SSBP2: variants seen among roughly 807,000 people sequenced by gnomAD.
The protein encoded by SSBP2 is single stranded DNA binding protein 2.
SSBP2 carries 17 observed loss-of-function variants against 61.8 expected under a neutral mutation model. That is an observed-to-expected ratio of 0.28 (90% confidence interval 0.19 to 0.41). The LOEUF (loss-of-function observed/expected upper bound fraction) is 0.41, where lower values mean the gene tolerates loss of function less well. Among genes scored for constraint, SSBP2 ranks in the 10% least tolerant of loss-of-function variants. The probability of loss-of-function intolerance (pLI) is 1.00; values close to 1 mark genes in which losing one functional copy is unlikely to be tolerated. For synonymous variants in SSBP2, 139 were observed against 141.3 expected (o/e 0.98, Z 0.12); for missense variants, 310 against 458.7 (o/e 0.68, Z 2.96).
intron 1 of SSBP2, among the ~76,000 whole-genome samples, chr5:81,743,355 T>A (rs141195394): frequency 0.013 from 1,936 of 152,322 alleles, 19 homozygotes; most frequent in South Asian, 0.023. Flanking sequence ...TCCGTTGAAA[T>A]GTCCTCTCCT....
chr5:81,579,427 G>C (rs1774477762), intron 4 of SSBP2, among the ~76,000 whole-genome samples: 1 of 151,954 alleles, frequency 6.6e-6, no homozygotes, highest in African/African-American at 2.4e-5. Context: ...GAGGGCAAAA[G>C]AGAAAAATTA....
chr5:81,598,209 T>C (rs936387856), intron 4 of SSBP2, among the ~76,000 whole-genome samples: 14 of 151,782 alleles, frequency 9.2e-5, no homozygotes, highest in African/African-American at 3.1e-4. Flanking sequence ...AAGAAAATCT[T>C]GGTAGTCAGA....
At chr5:81,476,873 C>G (rs1251047421) in intron 6 of SSBP2, among the ~76,000 whole-genome samples, 1 of 152,086 alleles carries the variant, frequency 6.6e-6, no homozygotes, top group Admixed American at 6.6e-5. Context: ...TATTTATTCA[C>G]CTATTTACTC....
chr5:81,606,741 A>C (rs1185442134), intron 4 of SSBP2, among the ~76,000 whole-genome samples: 1 of 152,204 alleles, frequency 6.6e-6, no homozygotes, highest in Non-Finnish European at 1.5e-5. Flanking sequence ...TGAAGTTAGA[A>C]TCCTACACAA....
chr5:81,679,309 T>C (rs545497232), intron 1 of SSBP2, among the ~76,000 whole-genome samples: 1 of 152,286 alleles, frequency 6.6e-6, no homozygotes, highest in African/African-American at 2.4e-5. Context: ...GTGCCCAGAC[T>C]ACTTTTCTTA....
intron 4 of SSBP2, among the ~76,000 whole-genome samples, chr5:81,610,129 A>G (rs1441779089): frequency 6.6e-6 from 1 of 152,136 alleles, no homozygotes; most frequent in African/African-American, 2.4e-5. Context: ...CCAGCCACAG[A>G]CTGAGCTGGT....
At chr5:81,726,264 C>G (rs764446894) in intron 1 of SSBP2, among the ~76,000 whole-genome samples, 1 of 152,084 alleles carries the variant, frequency 6.6e-6, no homozygotes, top group Non-Finnish European at 1.5e-5. Flanking sequence ...CAGAGCCCTC[C>G]GGGACCACAT....
intron 4 of SSBP2, among the ~76,000 whole-genome samples, chr5:81,593,282 GT>G (rs1187869654): frequency 6.6e-6 from 1 of 152,148 alleles, no homozygotes; most frequent in East Asian, 1.9e-4. Context: ...AGGAAGAGAA[GT>G]TTAGAGAAAA....
intron 1 of SSBP2, among the ~76,000 whole-genome samples, chr5:81,728,320 A>T (rs895834065): frequency 6.6e-6 from 1 of 152,224 alleles, no homozygotes; most frequent in South Asian, 2.1e-4. Flanking sequence ...AATGATTTTC[A>T]AAGTTTTACT....
At chr5:81,541,973 T>C (rs1055384466) in intron 4 of SSBP2, among the ~76,000 whole-genome samples, 4 of 151,868 alleles carry the variant, frequency 2.6e-5, no homozygotes, top group South Asian at 2.1e-4. Context: ...ATCAACAGAG[T>C]AAACAACCAA....
At chr5:81,738,812 G>T (rs1388496418) in intron 1 of SSBP2, among the ~76,000 whole-genome samples, 2 of 152,038 alleles carry the variant, frequency 1.3e-5, no homozygotes, top group African/African-American at 4.8e-5. Flanking sequence ...TGCTCCATAT[G>T]ATTTCCAAAA....
At chr5:81,555,537 C>T (rs1191743546) in intron 4 of SSBP2, among the ~76,000 whole-genome samples, 1 of 152,066 alleles carries the variant, frequency 6.6e-6, no homozygotes, top group Non-Finnish European at 1.5e-5. Context: ...GATGCCTCAT[C>T]TTTGCCTGAC....
chr5:81,746,499 TC>T (rs1388643793), intron 1 of SSBP2, among the ~76,000 whole-genome samples: 1 of 152,148 alleles, frequency 6.6e-6, no homozygotes, highest in Admixed American at 6.5e-5. Context: ...TTGTCATTTT[TC>T]TTTGCAGGGG....
rs1183654532 is a variant in SSBP2, at chr5:81,504,941, T to C, written c.372+8687A>G. Among the ~76,000 whole-genome samples the C allele has an allele frequency of 2.6e-5, 4 of 152,332 alleles. No individual in the cohort carries two copies. In the South Asian group the frequency reaches 6.2e-4, roughly 24 times the overall value. On this transcript the variant is annotated intron_variant, in intron 5 of 16. Coordinates refer to ENST00000320672, the MANE Select transcript of SSBP2 (RefSeq NM_012446.5). ...CAAAACCATAACTAAAACTAAAGGA[T>C]TTGTAGCCCCATACTCCCTACCCCC... is the stretch of plus-strand genomic sequence containing the variant.
chr5:81,479,817 G>A, intron 6 of SSBP2, among the ~76,000 whole-genome samples: 1 of 152,106 alleles, frequency 6.6e-6, no homozygotes, highest in East Asian at 1.9e-4. Context: ...GGTTTAATAT[G>A]TAACTAATTT....
At chr5:81,714,105 C>T (rs1202406957) in intron 1 of SSBP2, among the ~76,000 whole-genome samples, 1 of 152,070 alleles carries the variant, frequency 6.6e-6, no homozygotes, top group Non-Finnish European at 1.5e-5. Flanking sequence ...TCCCTCCCTG[C>T]GCCCATATGT....
intron 1 of SSBP2, among the ~76,000 whole-genome samples, chr5:81,736,836 G>A (rs1756655026): frequency 6.6e-6 from 1 of 152,146 alleles, no homozygotes; most frequent in African/African-American, 2.4e-5. Context: ...CTAACCAAGG[G>A]AGAGTTAAAA....
chr5:81,641,443 G>T (rs549704967), intron 2 of SSBP2, among the ~76,000 whole-genome samples: 1 of 152,166 alleles, frequency 6.6e-6, no homozygotes, highest in East Asian at 1.9e-4. Flanking sequence ...ACAAGTCTGT[G>T]CCAGAAGCAG....
chr5:81,494,008 A>C lies in SSBP2; in HGVS notation c.373-4699T>G, dbSNP rs549595397. On this transcript the variant is annotated intron_variant, in intron 5 of 16. Transcript: ENST00000320672. ...CGCTGATTAGGATTTTTCAAGGTTC[A>C]CAGTCTTGTAATTAATAGGAGAAAC... Among the ~76,000 whole-genome samples the C allele has an allele frequency of 2.0e-5, 3 of 152,334 alleles. No homozygotes were observed. In the South Asian group the frequency reaches 6.2e-4, roughly 32 times the overall value.
Sources: gnomAD v4.1 joint callset for allele counts (sites outside exome capture counted in the v4.1 genomes callset) on GRCh38, gnomAD v4.1.1 for gene constraint, MANE v1.5 for transcripts, NCBI Gene and HGNC (gene_info 2026-07-23, HGNC 2026-07-21) for gene names.